The following TRANK1 variants were observed in gnomAD, a reference collection of about 807,000 sequenced individuals.
TRANK1 encodes tetratricopeptide repeat and ankyrin repeat containing 1.
A neutral mutation model predicts 266.0 loss-of-function variants in TRANK1; 198 were observed. That is an observed-to-expected ratio of 0.74 (90% CI 0.66 to 0.84). The LOEUF is 0.84. Ranked by LOEUF, TRANK1 falls within the 40% of genes least tolerant of loss-of-function variation. The pLI is 0.00. For synonymous variants in TRANK1, 1,396 were observed against 1,384.1 expected, an observed-to-expected ratio of 1.01 and a Z score of -0.19; for missense variants, 3,326 against 3,634.6, an observed-to-expected ratio of 0.92 and a Z score of 2.18.
At chr3:36,917,552 G>T (rs773210376) in intron 1 of TRANK1, among the ~76,000 whole-genome samples, 1 of 152,124 alleles carries the variant, frequency 6.6e-6, no homozygotes, top group Non-Finnish European at 1.5e-5. Flanking sequence ...CTTTCTTTTT[G>T]TGTATTTATC....
rs1431223494 is a variant in TRANK1, at chr3:36,918,503, GA to G, written c.24-10050del. Among the ~76,000 whole-genome samples, 161 of 39,268 alleles carry G rather than the reference GA, an allele frequency of 4.1e-3. 3 individuals are homozygous for G. Among genetic ancestry groups the G allele is most frequent in the East Asian group, 0.015 (27 of 1,764 alleles). The allele number at this position is 39,268 out of a possible 152,430, so 25.8% of individuals were successfully genotyped here. A position where few individuals can be genotyped will look rare whatever the true frequency, so the allele number is the denominator to read the frequency against. On this transcript the variant is annotated intron_variant, in intron 1 of 23. Transcript: ENST00000645898. The stretch of plus-strand genomic sequence containing the variant: ...AGAAAGAAAGAAAGAAAGAAAGAAA[GA>G]AAGAAAGAAAGAAAGAAAGAAAGAA...
chr3:36,921,659 G>C (rs576597998), intron 1 of TRANK1, among the ~76,000 whole-genome samples: 1 of 152,224 alleles, frequency 6.6e-6, no homozygotes, highest in East Asian at 1.9e-4. Context: ...CTTTCCCAAA[G>C]CCCCCAAGTA....
intron 22 of TRANK1, among the ~76,000 whole-genome samples, 152 bp from the exon 23 acceptor site, chr3:36,829,814 G>A (rs1294158067): frequency 6.6e-6 from 1 of 152,110 alleles, no homozygotes; most frequent in Non-Finnish European, 1.5e-5. Flanking sequence ...ACCCAAAGCT[G>A]CCTTCTGCTG....
intron 20 of TRANK1, 49 bp downstream of exon 20, chr3:36,838,323 C>A: frequency 6.2e-7 from 1 of 1,606,828 alleles, no homozygotes; most frequent in South Asian, 1.1e-5. Context: ...TCAATCTGCT[C>A]AAGTGAAGCC....
intron 1 of TRANK1, among the ~76,000 whole-genome samples, chr3:36,920,126 C>T (rs2080194931): frequency 6.6e-6 from 1 of 152,114 alleles, no homozygotes; most frequent in African/African-American, 2.4e-5. Flanking sequence ...CAATAAATGG[C>T]TAAGGATATT....
intron 9 of TRANK1, among the ~76,000 whole-genome samples, chr3:36,866,499 G>A (rs983213523): frequency 4.6e-5 from 7 of 152,172 alleles, no homozygotes; most frequent in Admixed American, 4.6e-4. Context: ...GCCAAACCCA[G>A]GTATGCACTC....
At chr3:36,920,167 G>A (rs551460241) in intron 1 of TRANK1, among the ~76,000 whole-genome samples, 93 of 152,300 alleles carry the variant, frequency 6.1e-4, no homozygotes, top group Admixed American at 1.3e-3. Flanking sequence ...CGTGGTGCCA[G>A]GAAATATTCT....
chr3:36,851,303 A>T, intron 15 of TRANK1: 2 of 989,280 alleles, frequency 2.0e-6, no homozygotes, highest in Non-Finnish European at 2.4e-6. Flanking sequence ...GTCTTCCTGG[A>T]ATTGTCTCTA....
At chr3:36,884,842 A>C (rs1366925204) in intron 8 of TRANK1, among the ~76,000 whole-genome samples, 1 of 151,732 alleles carries the variant, frequency 6.6e-6, no homozygotes, top group Non-Finnish European at 1.5e-5. Flanking sequence ...CTGAGGCAGG[A>C]GAATCGCTTG....
chr3:36,930,729 A>G (rs2080349996), intron 1 of TRANK1, among the ~76,000 whole-genome samples: 1 of 152,224 alleles, frequency 6.6e-6, no homozygotes, highest in Non-Finnish European at 1.5e-5. Context: ...CATTTACATG[A>G]CATTCTATAA....
chr3:36,944,774 C>T lies in TRANK1; in HGVS notation c.23+13G>A. 6.7e-7 allele frequency: 1 copy of T among 1,498,368 alleles called. No homozygotes were observed. The highest frequency in any genetic ancestry group is 1.2e-5 in the South Asian group (1 of 80,720). 92.8% of individuals were successfully genotyped at this position (1,498,368 alleles called of 1,614,324 possible). A position where few individuals can be genotyped will look rare whatever the true frequency, so the allele number is the denominator to read the frequency against. ...GCCAGAGATGCCCCAGTGCTTCCCG[C>T]GCCGCTACGCACCTAGCTGCCCGCG... On this transcript the variant is annotated intron_variant, in intron 1 of 23. Transcript: ENST00000645898.
At chr3:36,894,060 T>G (rs1045617465) in intron 5 of TRANK1, among the ~76,000 whole-genome samples, 2 of 152,196 alleles carry the variant, frequency 1.3e-5, no homozygotes, top group African/African-American at 2.4e-5. Context: ...GTGGGCAGAT[T>G]GCTGGCCTTT....
rs776473183 is a variant in TRANK1 at position 36,846,271 on chromosome 3, A to G, written c.5168T>C (p.Val1723Ala). Residue 1723 changes from valine (V) to alanine (A), a missense_variant, in exon 17 of 24, where the codon GTT becomes GCT. Transcript: ENST00000645898. ...KYFIRRDFVQ[V>A]VKTDENKDFD... ...ACCTTTATTTTCATCTGTCTTTACA[A>G]CTTGGACAAAATCTCTTCTAATGAA... 6.2e-6 allele frequency: 10 copies of G among 1,603,018 alleles called. No individual in the cohort carries two copies. The highest frequency in any genetic ancestry group is 2.7e-5 in the African/African-American group (2 of 74,700).
At chr3:36,941,567 C>A (rs991640237) in intron 1 of TRANK1, among the ~76,000 whole-genome samples, 2 of 152,220 alleles carry the variant, frequency 1.3e-5, no homozygotes, top group African/African-American at 2.4e-5. Context: ...TCTGCTCTGG[C>A]AGAATGAACC....
At chr3:36,882,185 T>C (rs888314590) in intron 8 of TRANK1, among the ~76,000 whole-genome samples, 1 of 152,244 alleles carries the variant, frequency 6.6e-6, no homozygotes, top group African/African-American at 2.4e-5. Context: ...ATGCACCATT[T>C]TTCTTACCCA....
intron 1 of TRANK1, among the ~76,000 whole-genome samples, chr3:36,920,226 T>C (rs2080196198): frequency 6.6e-6 from 1 of 152,340 alleles, no homozygotes; most frequent in South Asian, 2.1e-4. Flanking sequence ...TACTTGAAAG[T>C]TGACCCTTAG....
At position 36,833,695 on chromosome 3, in the gene TRANK1, TC is replaced by T; in HGVS notation, c.5887del (p.Glu1963LysfsTer6). The part of the protein sequence containing the change: ...ADLLNREGRR[E>X]EAALLMKQHG... Reference sequence around the variant, plus strand: ...TTGCTTCATCAGCAGGGCAGCCTCTTCTCTCCTACCTTCCCTGTTCAGCAGG... The same window carrying T: ...TTGCTTCATCAGCAGGGCAGCCTCTTTCTCCTACCTTCCCTGTTCAGCAGG... On this transcript the variant is annotated frameshift_variant, in exon 22 of 24. Transcript: ENST00000645898. LOFTEE classifies it high-confidence loss of function. 6.2e-7 allele frequency: 1 copy of T among 1,613,998 alleles called. No individual in the cohort carries two copies. The highest frequency in any genetic ancestry group is 8.5e-7 in the Non-Finnish European group (1 of 1,179,872).
At chr3:36,932,882 T>C (rs1283391051) in intron 1 of TRANK1, among the ~76,000 whole-genome samples, 1 of 152,186 alleles carries the variant, frequency 6.6e-6, no homozygotes, top group African/African-American at 2.4e-5. Context: ...CCTAAGAAAC[T>C]AATACACCAC....
rs765906895 is a variant in TRANK1, at chr3:36,832,862, C to G, written c.6721G>C (p.Val2241Leu). 3 of 1,613,940 alleles carry G rather than the reference C, an allele frequency of 1.9e-6. No homozygotes were observed. The Admixed American group carries it at 5.0e-5, about 27-fold the overall frequency. ...INGLLLEAKK[V>L]FPKILAEELK... is the part of the protein sequence containing the mutation. ...TCTTCTGCTAAGATTTTAGGGAATA[C>G]TTTTTTGGCTTCCAAAAGCAACCCG... Residue 2241 changes from valine (V) to leucine (L), a missense_variant, in exon 22 of 24, where the codon GTA becomes CTA. Transcript: ENST00000645898.
Sources: allele counts gnomAD v4.1 joint callset (sites outside exome capture counted in the v4.1 genomes callset), GRCh38; gene constraint gnomAD v4.1.1; transcripts MANE v1.5; gene names NCBI Gene and HGNC (gene_info 2026-07-23, HGNC 2026-07-21).